Variants in HERC3 observed in about 807,000 individuals in gnomAD.
HERC3 encodes probable E3 ubiquitin-protein ligase HERC3.
HERC3 carries 58 observed loss-of-function variants against 129.9 expected under a neutral mutation model. That is an observed-to-expected ratio of 0.45 (90% CI 0.36 to 0.56). The LOEUF is 0.56. Ranked by LOEUF, HERC3 falls within the 20% of genes least tolerant of loss-of-function variation. The pLI is 0.00. For missense variants in HERC3, 835 were observed against 1,244.2 expected, an observed-to-expected ratio of 0.67 and a Z score of 4.95; for synonymous variants, 430 against 451.0, an observed-to-expected ratio of 0.95 and a Z score of 0.59.
chr4:88,646,952 CTGT>C (rs1480539379), intron 3 of HERC3, among the ~76,000 whole-genome samples: 23 of 152,256 alleles, frequency 1.5e-4, no homozygotes. Context: ...GCTGGATTTC[CTGT>C]TGTTCCTATT....
At chr4:88,643,258 T>C (rs75423612) in intron 3 of HERC3, among the ~76,000 whole-genome samples, 16,202 of 152,236 alleles carry the variant, frequency 0.11, 1,087 homozygotes, top group East Asian at 0.2. Flanking sequence ...TAGAGACATA[T>C]TGTGTTCATG....
chr4:88,629,344 C>T (rs1216539800), intron 3 of HERC3, among the ~76,000 whole-genome samples: 1 of 152,104 alleles, frequency 6.6e-6, no homozygotes, highest in Non-Finnish European at 1.5e-5. Context: ...TTCTTAACAG[C>T]AATGTAATTT....
At chr4:88,552,435 T>C in the HERC3 span, among the ~76,000 whole-genome samples, 1 of 152,166 alleles carries the variant, frequency 6.6e-6, no homozygotes, top group Non-Finnish European at 1.5e-5. Context: ...GTATTTTTAG[T>C]AGAGACAGGG....
the HERC3 span, among the ~76,000 whole-genome samples, chr4:88,581,666 G>A: frequency 8.6e-5 from 13 of 151,908 alleles, no homozygotes; most frequent in Admixed American, 7.2e-4. Flanking sequence ...TGCCCACACT[G>A]GTCTTGAACT....
chr4:88,647,114 T>A (rs1355922477), intron 3 of HERC3, among the ~76,000 whole-genome samples: 1 of 152,058 alleles, frequency 6.6e-6, no homozygotes, highest in Non-Finnish European at 1.5e-5. Flanking sequence ...CAGGAATTGG[T>A]TTGCCTAGAG....
chr4:88,701,803 ATTT>A (rs34857474), intron 23 of HERC3, among the ~76,000 whole-genome samples: 8 of 140,294 alleles, frequency 5.7e-5, no homozygotes, highest in Admixed American at 7.1e-5. Context: ...GTTAAAACAG[ATTT>A]TTTTTTTTTT....
the HERC3 span, among the ~76,000 whole-genome samples, chr4:88,560,666 A>G: frequency 3.3e-5 from 5 of 152,132 alleles, no homozygotes; most frequent in African/African-American, 1.2e-4. Context: ...TGCCAAGGAC[A>G]ATGTCCAGGA....
intron 3 of HERC3, among the ~76,000 whole-genome samples, chr4:88,620,373 C>T (rs1487526637): frequency 6.6e-6 from 1 of 152,156 alleles, no homozygotes; most frequent in Non-Finnish European, 1.5e-5. Flanking sequence ...TCCCTTAAAC[C>T]TGTTTCTTAC....
At chr4:88,589,588 T>C (rs1235756005), upstream of HERC3, among the ~76,000 whole-genome samples, 1 of 152,110 alleles carries the variant, frequency 6.6e-6, no homozygotes, top group East Asian at 1.9e-4. Flanking sequence ...TGTTAGAGAA[T>C]ATATGAGAAT....
chr4:88,697,778 C>T (rs371680899), intron 23 of HERC3: 3 of 1,568,102 alleles, frequency 1.9e-6, no homozygotes, highest in Non-Finnish European at 2.6e-6. Context: ...CCGCAGAGGT[C>T]TAGGAGGGCT....
the HERC3 span, among the ~76,000 whole-genome samples, chr4:88,559,044 A>G: frequency 6.6e-6 from 1 of 152,256 alleles, no homozygotes; most frequent in African/African-American, 2.4e-5. Context: ...CAGAAGGTAT[A>G]TAACATATTA....
At chr4:88,627,273 A>G (rs1280898770) in intron 3 of HERC3, among the ~76,000 whole-genome samples, 12 of 152,100 alleles carry the variant, frequency 7.9e-5, no homozygotes, top group Admixed American at 7.9e-4. Flanking sequence ...CTCCAGATCC[A>G]CAAGTTCTGC....
chr4:88,677,368 G>A (rs2924353), intron 18 of HERC3, among the ~76,000 whole-genome samples: 50,161 of 151,810 alleles, frequency 0.33, 9,950 homozygotes, highest in African/African-American at 0.54. Flanking sequence ...CCACAAAAAC[G>A]TTTGTGAATT....
chr4:88,705,633 T>A (rs1439374085), intron 25 of HERC3, among the ~76,000 whole-genome samples: 1 of 152,246 alleles, frequency 6.6e-6, no homozygotes, highest in East Asian at 1.9e-4. Flanking sequence ...GAATGAATTC[T>A]AATTTACATG....
In HERC3 at chr4:88,640,885, T is replaced by C. The variant is rs1186242346; in HGVS notation, c.227-8955T>C. 2.6e-5 allele frequency among the ~76,000 whole-genome samples: 4 copies of C among 152,196 alleles called. 1 individual carries two copies. Among genetic ancestry groups the C allele is most frequent in the African/African-American group, 9.6e-5 (4 of 41,456 alleles). On this transcript the variant is annotated intron_variant, in intron 3 of 25. Coordinates refer to ENST00000402738, the MANE Select transcript of HERC3 (RefSeq NM_014606.3). ...TCTAAAAATTATATTTGGAGACTTTTTACTCTTTTTTGTGATAAATAGAAC... is the reference window on the plus strand; with the variant it reads ...TCTAAAAATTATATTTGGAGACTTTCTACTCTTTTTTGTGATAAATAGAAC...
the HERC3 span, among the ~76,000 whole-genome samples, chr4:88,532,243 C>T: frequency 2.6e-5 from 4 of 152,128 alleles, no homozygotes; most frequent in Admixed American, 1.3e-4. Context: ...TACACAATTA[C>T]GGAGGCCTGG....
Position 88,681,718 on chromosome 4 carries a change from A to G in HERC3, c.2507+393A>G, listed in dbSNP as rs903456050. 3.9e-5 allele frequency among the ~76,000 whole-genome samples: 6 copies of G among 152,322 alleles called. 1 individual carries two copies. Among genetic ancestry groups the G allele is most frequent in the Non-Finnish European group, 4.4e-5 (3 of 68,026 alleles). On this transcript the variant is annotated intron_variant, in intron 21 of 25. Transcript: ENST00000402738. The stretch of plus-strand genomic sequence containing the variant: ...TGTTGTTGAGGCAAAATAGATACAC[A>G]TATTTTGGGGGTACATGTGATAATA...
rs138994890 is a variant in HERC3 at position 88,593,881 on chromosome 4, A to C, written c.-88+1307A>C. ...GCTCTCTCCTTTTGTACTTTCCTTT[A>C]CCCTGGGGGAGGAGGGAGTAGCATT... On this transcript the variant is annotated intron_variant, in intron 1 of 25. Transcript: ENST00000402738. 8.7e-3 allele frequency among the ~76,000 whole-genome samples: 1,320 copies of C among 152,266 alleles called. 16 individuals are homozygous for C. The highest frequency in any genetic ancestry group is 0.03 in the African/African-American group (1,242 of 41,558).
chr4:88,628,185 T>C (rs1726338364), intron 3 of HERC3, among the ~76,000 whole-genome samples: 1 of 152,200 alleles, frequency 6.6e-6, no homozygotes, highest in Admixed American at 6.5e-5. Context: ...TTATTTCTTC[T>C]TTTGGCTCTA....
Sources: gnomAD v4.1 joint callset for allele counts (sites outside exome capture counted in the v4.1 genomes callset) on GRCh38, gnomAD v4.1.1 for gene constraint, MANE v1.5 for transcripts, NCBI Gene and HGNC (gene_info 2026-07-23, HGNC 2026-07-21) for gene names.